The following CSMD3 variants were observed in gnomAD, a reference collection of about 807,000 sequenced individuals.
CSMD3 encodes the protein CUB and Sushi multiple domains 3, also known as CUB and sushi domain-containing protein 3.
A neutral mutation model predicts 435.2 loss-of-function variants in CSMD3; 177 were observed. The observed-to-expected ratio is 0.41, with a 90% confidence interval of 0.36 to 0.46. The LOEUF (loss-of-function observed/expected upper bound fraction) is 0.46. Among genes scored for constraint, CSMD3 ranks in the 20% least tolerant of loss-of-function variants. CSMD3 has a pLI of 0.34. For missense variants in CSMD3, 4,265 were observed against 4,504.6 expected (o/e 0.95, Z 1.52); for synonymous variants, 1,656 against 1,520.5 (o/e 1.09, Z -2.07).
chr8:112,418,074 C>G (rs557346598), intron 32 of CSMD3, among the ~76,000 whole-genome samples: 2 of 152,080 alleles, frequency 1.3e-5, no homozygotes, highest in African/African-American at 2.4e-5. Context: ...ACCAACACAG[C>G]ACAGATGAAA....
At chr8:112,369,140 T>C (rs544872657) in intron 38 of CSMD3, among the ~76,000 whole-genome samples, 2 of 152,256 alleles carry the variant, frequency 1.3e-5, no homozygotes, top group East Asian at 1.9e-4. Context: ...AAAGTAGTCA[T>C]AGACAAGTCA....
intron 10 of CSMD3, among the ~76,000 whole-genome samples, chr8:112,895,460 G>A (rs1326058805): frequency 6.6e-6 from 1 of 151,138 alleles, no homozygotes; most frequent in East Asian, 2.0e-4. Flanking sequence ...TTTATTCTAG[G>A]AAAAACAAGA....
intron 32 of CSMD3, among the ~76,000 whole-genome samples, chr8:112,437,353 A>G (rs976166095): frequency 1.3e-5 from 2 of 152,122 alleles, no homozygotes; most frequent in African/African-American, 4.8e-5. Context: ...TAAGAGTAAA[A>G]CAGTAGTTCA....
At chr8:112,589,019 A>G (rs2131361526) in intron 22 of CSMD3, among the ~76,000 whole-genome samples, 1 of 152,292 alleles carries the variant, frequency 6.6e-6, no homozygotes, top group South Asian at 2.1e-4. Context: ...TTTAGAAGAG[A>G]ATGCAAATTA....
In CSMD3 at chr8:113,406,744, A is replaced by T. The variant is rs372589391; in HGVS notation, c.178+29933T>A. Among the ~76,000 whole-genome samples, 8 of 152,034 alleles carry T rather than the reference A, an allele frequency of 5.3e-5. No homozygotes were observed. The East Asian group carries it at 9.6e-4, about 18-fold the overall frequency. ...GAGTATATGTCCTAATTTAAACAAC[A>T]AATTTATTAATTATGATTATTTGAA... On this transcript the variant is annotated intron_variant, in intron 1 of 70. Transcript: ENST00000297405.
At chr8:112,958,786 T>C (rs548026445) in intron 7 of CSMD3, among the ~76,000 whole-genome samples, 5 of 152,334 alleles carry the variant, frequency 3.3e-5, no homozygotes, top group African/African-American at 9.6e-5. Flanking sequence ...CTTTATGTTT[T>C]ATGTTACAAA....
intron 5 of CSMD3, among the ~76,000 whole-genome samples, chr8:113,070,727 T>C (rs1252491975): frequency 6.6e-6 from 1 of 152,062 alleles, no homozygotes; most frequent in Non-Finnish European, 1.5e-5. Flanking sequence ...GTCTAGCTTA[T>C]TTCACTTAGC....
At chr8:113,329,182 C>T (rs1422581600) in intron 1 of CSMD3, among the ~76,000 whole-genome samples, 1 of 121,896 alleles carries the variant, frequency 8.2e-6, no homozygotes, top group Non-Finnish European at 1.8e-5. Flanking sequence ...AAGTTAGCTA[C>T]TACAAGTATG....
chr8:112,310,513 G>C (rs1296815937), intron 50 of CSMD3: 1 of 229,610 alleles, frequency 4.4e-6, no homozygotes. Flanking sequence ...CTGTACCACT[G>C]AAGAAAAAAA....
chr8:112,348,888 G>A (rs1440058941), intron 40 of CSMD3, among the ~76,000 whole-genome samples: 2 of 152,012 alleles, frequency 1.3e-5, no homozygotes, highest in African/African-American at 2.4e-5. Context: ...GTCTTATGGT[G>A]CTGAGAAAAT....
chr8:113,375,916 T>A (rs2094379676), intron 1 of CSMD3, among the ~76,000 whole-genome samples: 1 of 152,196 alleles, frequency 6.6e-6, no homozygotes, highest in African/African-American at 2.4e-5. Context: ...ATTTTGTGTA[T>A]GATATTTTAA....
At chr8:112,843,421 A>C (rs2132541024) in intron 11 of CSMD3, among the ~76,000 whole-genome samples, 1 of 151,978 alleles carries the variant, frequency 6.6e-6, no homozygotes, top group East Asian at 1.9e-4. Flanking sequence ...TAGGCAGAAT[A>C]CCTAATTAAA....
intron 1 of CSMD3, among the ~76,000 whole-genome samples, chr8:113,316,451 T>C (rs1027396428): frequency 1.3e-5 from 2 of 152,194 alleles, no homozygotes; most frequent in Non-Finnish European, 2.9e-5. Flanking sequence ...TTATGGCAGA[T>C]AGTGGCTGAT....
At chr8:113,004,605 C>T (rs574999956) in intron 6 of CSMD3, among the ~76,000 whole-genome samples, 2 of 151,894 alleles carry the variant, frequency 1.3e-5, no homozygotes, top group South Asian at 2.1e-4. Flanking sequence ...GAGCATTGAG[C>T]GCAAGATTTA....
At chr8:112,631,585 C>T (rs1158455052) in intron 22 of CSMD3, among the ~76,000 whole-genome samples, 1 of 151,920 alleles carries the variant, frequency 6.6e-6, no homozygotes, top group Non-Finnish European at 1.5e-5. Context: ...TTCTAAACTG[C>T]TAAAAAGGAA....
At chr8:112,695,780 G>A (rs1268702874) in intron 13 of CSMD3, among the ~76,000 whole-genome samples, 1 of 152,104 alleles carries the variant, frequency 6.6e-6, no homozygotes, top group Non-Finnish European at 1.5e-5. Context: ...TAGGAAAAGT[G>A]GAAGTCAAAT....
chr8:112,681,902 TCACACA>T (rs1327350066), intron 16 of CSMD3, among the ~76,000 whole-genome samples: 1 of 151,864 alleles, frequency 6.6e-6, no homozygotes, highest in East Asian at 1.9e-4. Flanking sequence ...TACATATATA[TCACACA>T]CACACATATA....
At chr8:113,129,990 C>T (rs1456800478) in intron 4 of CSMD3, among the ~76,000 whole-genome samples, 1 of 151,430 alleles carries the variant, frequency 6.6e-6, no homozygotes, top group East Asian at 1.9e-4. Flanking sequence ...TATATAATAG[C>T]AATAAGGATA....
chr8:112,753,045 C>T (rs2077610880), intron 13 of CSMD3, among the ~76,000 whole-genome samples: 1 of 151,954 alleles, frequency 6.6e-6, no homozygotes, highest in African/African-American at 2.4e-5. Flanking sequence ...CCTGCCTCAG[C>T]CCCCTTAGTA....
Sources: allele counts gnomAD v4.1 joint callset (sites outside exome capture counted in the v4.1 genomes callset), GRCh38; gene constraint gnomAD v4.1.1; transcripts MANE v1.5; gene names NCBI Gene and HGNC (gene_info 2026-07-23, HGNC 2026-07-21).